The following SLC2A13 variants were observed in gnomAD, a reference collection of about 807,000 sequenced individuals.
SLC2A13 encodes solute carrier family 2 member 13.
Under a neutral mutation model 64.4 loss-of-function variants are expected in SLC2A13, and 32 were observed. The ratio of observed to expected loss-of-function variants is 0.50; its 90% CI spans 0.37 to 0.67. SLC2A13 has a LOEUF of 0.67. Among genes scored for constraint, SLC2A13 ranks in the 30% least tolerant of loss-of-function variants. SLC2A13 has a pLI of 0.00. For synonymous variants in SLC2A13, 338 were observed against 327.1 expected (o/e 1.03, Z -0.36); for missense variants, 743 against 829.2 (o/e 0.90, Z 1.28).
chr12:39,824,237 A>G (rs779915835), intron 7 of SLC2A13, among the ~76,000 whole-genome samples: 1 of 152,228 alleles, frequency 6.6e-6, no homozygotes, highest in Non-Finnish European at 1.5e-5. Flanking sequence ...GAATGGTCCT[A>G]GTTAACTGGC....
chr12:39,895,976 GTATA>G (rs1944811121), intron 4 of SLC2A13, among the ~76,000 whole-genome samples: 3 of 144,442 alleles, frequency 2.1e-5, no homozygotes, highest in East Asian at 2.0e-4. Context: ...ATGTGTATAT[GTATA>G]CATACATTCA....
chr12:40,016,994 A>G (rs890490468), intron 3 of SLC2A13, among the ~76,000 whole-genome samples: 1 of 152,186 alleles, frequency 6.6e-6, no homozygotes, highest in Admixed American at 6.5e-5. Context: ...GACATTCAAC[A>G]AATAGTCATT....
intron 4 of SLC2A13, among the ~76,000 whole-genome samples, chr12:39,923,430 A>G (rs1158438704): frequency 6.6e-6 from 1 of 152,166 alleles, no homozygotes; most frequent in Non-Finnish European, 1.5e-5. Flanking sequence ...GATTCCACTT[A>G]CATAAAGTAT....
intron 3 of SLC2A13, among the ~76,000 whole-genome samples, chr12:40,016,746 T>G (rs1947628068): frequency 6.6e-6 from 1 of 152,114 alleles, no homozygotes; most frequent in African/African-American, 2.4e-5. Flanking sequence ...GTAACAAGGA[T>G]CTCCTTCAAA....
chr12:40,105,885 C>T lies in SLC2A13; in HGVS notation c.-77G>A, dbSNP rs1939294238. The T allele has an allele frequency of 1.6e-6, 2 of 1,267,340 alleles. No individual in the cohort carries two copies. Among genetic ancestry groups the T allele is most frequent in the African/African-American group, 1.6e-5 (1 of 64,068 alleles). The allele number at this position is 1,267,340 out of a possible 1,614,324, so 78.5% of individuals were successfully genotyped here. On this transcript the variant is annotated 5_prime_UTR_variant, in exon 1 of 10. Coordinates refer to ENST00000280871, the MANE Select transcript of SLC2A13 (RefSeq NM_052885.4). The surrounding 1 kb of genome is among the most constrained non-coding windows in gnomAD (Gnocchi z 4.2). ...TCTCGGCGAGCTAGACAGCCCGAGC[C>T]GGCGGGAGCAACCGCCGCTGCCGCC...
At chr12:40,052,744 C>T (rs1175277115) in intron 1 of SLC2A13, among the ~76,000 whole-genome samples, 1 of 151,888 alleles carries the variant, frequency 6.6e-6, no homozygotes, top group Admixed American at 6.6e-5. Context: ...AGTTACACAA[C>T]TAGGTGGAGC....
chr12:39,772,063 A>G (rs1364502364), intron 7 of SLC2A13, among the ~76,000 whole-genome samples: 1 of 151,924 alleles, frequency 6.6e-6, no homozygotes, highest in African/African-American at 2.4e-5. Flanking sequence ...TCCTCCTCTC[A>G]ACTCCTTTTC....
chr12:40,028,709 C>T (rs763393593), intron 2 of SLC2A13, among the ~76,000 whole-genome samples, 200 bp from the exon 3 acceptor site: 1 of 152,102 alleles, frequency 6.6e-6, no homozygotes, highest in Non-Finnish European at 1.5e-5. Flanking sequence ...TGAGAAAAAT[C>T]TAATTATTTC....
At chr12:39,971,921 G>C (rs1368968873) in intron 3 of SLC2A13, among the ~76,000 whole-genome samples, 1 of 147,770 alleles carries the variant, frequency 6.8e-6, no homozygotes, top group Admixed American at 6.8e-5. Flanking sequence ...GTTGCAGTGA[G>C]CTGAGATCAC....
intron 7 of SLC2A13, among the ~76,000 whole-genome samples, chr12:39,828,120 C>T (rs1036259312): frequency 3.3e-5 from 5 of 152,144 alleles, no homozygotes; most frequent in African/African-American, 9.7e-5. Flanking sequence ...TGTGGAAAAT[C>T]TATCTGAAGA....
intron 7 of SLC2A13, among the ~76,000 whole-genome samples, chr12:39,769,680 C>T (rs779048322): frequency 2.0e-5 from 3 of 151,832 alleles, no homozygotes; most frequent in East Asian, 3.9e-4. Flanking sequence ...TCTTCTTTTC[C>T]TGCCCTATTT....
intron 3 of SLC2A13, among the ~76,000 whole-genome samples, chr12:39,977,116 G>T (rs1449006466): frequency 6.6e-6 from 1 of 152,136 alleles, no homozygotes; most frequent in Non-Finnish European, 1.5e-5. Context: ...AGGAAGGTAG[G>T]CATGAGCTCA....
chr12:39,957,997 G>A (rs1489188117), intron 3 of SLC2A13, among the ~76,000 whole-genome samples: 3 of 152,146 alleles, frequency 2.0e-5, no homozygotes, highest in Admixed American at 6.5e-5. Context: ...AAGGCATAAG[G>A]AAGGACCCAC....
chr12:40,076,745 A>G (rs996110433), intron 1 of SLC2A13, among the ~76,000 whole-genome samples: 2 of 152,150 alleles, frequency 1.3e-5, no homozygotes, highest in African/African-American at 4.8e-5. Flanking sequence ...ACGGTGGTTG[A>G]ACTAATTTAC....
chr12:40,034,141 T>C (rs1415334479), intron 2 of SLC2A13, among the ~76,000 whole-genome samples: 5 of 152,240 alleles, frequency 3.3e-5, no homozygotes, highest in African/African-American at 9.6e-5. Flanking sequence ...CACTACATTG[T>C]ATTTTTTAAA....
chr12:39,790,508 T>C (rs1389391346), intron 7 of SLC2A13, among the ~76,000 whole-genome samples: 2 of 151,318 alleles, frequency 1.3e-5, no homozygotes, highest in Non-Finnish European at 2.9e-5. Flanking sequence ...CTGAGAATGA[T>C]GGTTTCCAAT....
At chr12:39,833,991 A>G (rs530421368) in intron 6 of SLC2A13, among the ~76,000 whole-genome samples, 1 of 152,018 alleles carries the variant, frequency 6.6e-6, no homozygotes, top group Non-Finnish European at 1.5e-5. Context: ...CCAGAGGCCA[A>G]GAAGAATCTG....
chr12:40,098,109 ATGTG>A (rs1030306355), intron 1 of SLC2A13, among the ~76,000 whole-genome samples: 2 of 151,696 alleles, frequency 1.3e-5, no homozygotes, highest in African/African-American at 4.8e-5. Flanking sequence ...TTATTTTTAT[ATGTG>A]TGTGTATATA....
chr12:39,838,890 C>A (rs1943101931), intron 6 of SLC2A13, among the ~76,000 whole-genome samples: 1 of 152,048 alleles, frequency 6.6e-6, no homozygotes, highest in Non-Finnish European at 1.5e-5. Flanking sequence ...AGATGGAGCA[C>A]TAAGAACAGT....
Sources: allele counts gnomAD v4.1 joint callset (sites outside exome capture counted in the v4.1 genomes callset), GRCh38; gene constraint gnomAD v4.1.1; non-coding constraint Gnocchi (gnomAD v3.1); transcripts MANE v1.5; gene names NCBI Gene and HGNC (gene_info 2026-07-23, HGNC 2026-07-21).